ACOX3: variants seen among roughly 807,000 people sequenced by gnomAD.
ACOX3 encodes peroxisomal acyl-coenzyme A oxidase 3.
ACOX3 carries 73 observed loss-of-function variants against 81.5 expected under a neutral mutation model. That is an observed-to-expected ratio of 0.90 (90% CI 0.74 to 1.09). ACOX3 has a LOEUF of 1.09. ACOX3 is among the 50% of genes least tolerant of loss of function. ACOX3 has a pLI of 0.00. For synonymous variants in ACOX3, 387 were observed against 375.1 expected, an observed-to-expected ratio of 1.03 and a Z score of -0.37; for missense variants, 947 against 928.0, an observed-to-expected ratio of 1.02 and a Z score of -0.27.
Position 8,390,950 on chromosome 4 carries a change from A to G in ACOX3, c.1301-1216T>C, listed in dbSNP as rs182728650. 6.6e-5 allele frequency among the ~76,000 whole-genome samples: 10 copies of G among 152,148 alleles called. No individual in the cohort carries two copies. The East Asian group carries it at 1.7e-3, about 26-fold the overall frequency. ...GCCTCAGCAGAAACATTTGCAATTG[A>G]TTTTCTAAACCTAGATGGAGCCTCG... On this transcript the variant is annotated intron_variant, in intron 11 of 17. Coordinates refer to ENST00000356406, the MANE Select transcript of ACOX3 (RefSeq NM_003501.3).
chr4:8,416,334 C>A lies in ACOX3; in HGVS notation c.144+44G>T. On this transcript the variant is annotated intron_variant, in intron 2 of 17. Transcript: ENST00000356406. This position sits in a 1 kb window ranked among gnomAD's most constrained non-coding sequence, Gnocchi z 4.2. ...TCCCATTCTGCTAACGAACTAAGAC[C>A]CCACTGGGAAAAAAGACAAGCTGCG... The A allele has an allele frequency of 6.2e-7, 1 of 1,613,468 alleles. No individual in the cohort carries two copies. Among genetic ancestry groups the A allele is most frequent in the Non-Finnish European group, 8.5e-7 (1 of 1,179,944 alleles).
At chr4:8,410,900 G>A (rs1042547524) in intron 5 of ACOX3, among the ~76,000 whole-genome samples, 2 of 152,234 alleles carry the variant, frequency 1.3e-5, no homozygotes, top group African/African-American at 4.8e-5. Flanking sequence ...AGGAAGGAAC[G>A]CATGCGTGAA....
chr4:8,414,360 T>C lies in ACOX3; in HGVS notation c.475A>G (p.Thr159Ala), dbSNP rs1400608604. Residue 159 changes from threonine to alanine, a missense_variant, in exon 5 of 18, where the codon ACC becomes GCC. Thr to Ala is a moderately conservative substitution (Grantham distance 58). Transcript: ENST00000356406. This position sits in a 1 kb window ranked among gnomAD's most constrained non-coding sequence, Gnocchi z 6.1. The stretch of plus-strand genomic sequence containing the variant: ...GTATTACTGCCGTGGCTTAATTCGG[T>C]CAGAGCAAAACATCCAAAAATCTAA... Reference protein sequence around the residue: ...RMEIFGCFALTELSHGSNTKA... With the variant: ...RMEIFGCFALAELSHGSNTKA... 2.5e-6 allele frequency: 4 copies of C among 1,614,000 alleles called. No individual in the cohort carries two copies. The highest frequency in any genetic ancestry group is 3.4e-6 in the Non-Finnish European group (4 of 1,180,008).
Position 8,406,322 on chromosome 4 carries a change from C to G in ACOX3, c.688-279G>C, listed in dbSNP as rs1051555055. Among the ~76,000 whole-genome samples the G allele has an allele frequency of 2.6e-5, 4 of 152,160 alleles. No individual in the cohort carries two copies. Among genetic ancestry groups the G allele is most frequent in the Admixed American group, 2.0e-4 (3 of 15,276 alleles). On this transcript the variant is annotated intron_variant, in intron 6 of 17. Transcript: ENST00000356406. The surrounding 1 kb of genome is among the most constrained non-coding windows in gnomAD (Gnocchi z 5.6). ...GGGCCCTAAATCCCACGGCAAGTGT[C>G]CTATGAGAATCAGAAGAGGAGTGGG...
At chr4:8,404,475 T>G (rs1720714501) in intron 7 of ACOX3, among the ~76,000 whole-genome samples, 1 of 151,958 alleles carries the variant, frequency 6.6e-6, no homozygotes, top group Non-Finnish European at 1.5e-5. Flanking sequence ...AAGAATTTGC[T>G]TTTTAACAAT....
chr4:8,365,990 G>A (rs1715402865), downstream of ACOX3, among the ~76,000 whole-genome samples: 1 of 152,160 alleles, frequency 6.6e-6, no homozygotes, highest in Non-Finnish European at 1.5e-5. Context: ...GGGGTCAGGG[G>A]GCACCAGAGT....
intron 15 of ACOX3, 96 bp from the exon 16 acceptor site, chr4:8,373,724 TAGG>T: frequency 8.6e-7 from 1 of 1,167,774 alleles, no homozygotes; most frequent in Non-Finnish European, 1.2e-6. Context: ...ATCGGCCATA[TAGG>T]AGGCCTGTTT....
In ACOX3 at chr4:8,430,582, G is replaced by A. The variant is rs1451376004; in HGVS notation, c.-15+10066C>T. On this transcript the variant is annotated intron_variant, in intron 1 of 17. Coordinates refer to ENST00000356406, the MANE Select transcript of ACOX3 (RefSeq NM_003501.3). This position sits in a 1 kb window ranked among gnomAD's most constrained non-coding sequence, Gnocchi z 5.2. Reference sequence around the variant, plus strand: ...TTAGAAAAACATCTTTCGGCTGGGTGTGGTGGCTCACACCTATAATCTTAG... The same window carrying A: ...TTAGAAAAACATCTTTCGGCTGGGTATGGTGGCTCACACCTATAATCTTAG... 6.6e-6 allele frequency among the ~76,000 whole-genome samples: 1 copy of A among 152,202 alleles called. No homozygotes were observed. The highest frequency in any genetic ancestry group is 2.4e-5 in the African/African-American group (1 of 41,444).
At chr4:8,367,633 T>C (rs1330498273) in intron 17 of ACOX3, among the ~76,000 whole-genome samples, 1 of 150,144 alleles carries the variant, frequency 6.7e-6, no homozygotes, top group Non-Finnish European at 1.5e-5. Flanking sequence ...TATAAAGTAC[T>C]ATAAAACACA....
chr4:8,395,824 G>A (rs1234788138), intron 9 of ACOX3, among the ~76,000 whole-genome samples: 3 of 151,966 alleles, frequency 2.0e-5, no homozygotes, highest in African/African-American at 7.3e-5. Context: ...CTGGTCAAAG[G>A]ATGTGGACAG....
At chr4:8,375,558 G>T (rs1716854962) in intron 14 of ACOX3, among the ~76,000 whole-genome samples, 1 of 152,192 alleles carries the variant, frequency 6.6e-6, no homozygotes, top group Non-Finnish European at 1.5e-5. Flanking sequence ...AGACACAGAG[G>T]AGCTGGAGAA....
At chr4:8,413,513 A>C (rs28768829) in intron 5 of ACOX3, among the ~76,000 whole-genome samples, 2 of 64,550 alleles carry the variant, frequency 3.1e-5, no homozygotes, top group Admixed American at 2.0e-4. Context: ...GCAACCCTCC[A>C]TGCACCCCTC....
Position 8,423,477 on chromosome 4 carries a change from C to CT in ACOX3, c.-14-6943_-14-6942insA, listed in dbSNP as rs1723162957. On this transcript the variant is annotated intron_variant, in intron 1 of 17. Coordinates refer to ENST00000356406, the MANE Select transcript of ACOX3 (RefSeq NM_003501.3). The surrounding 1 kb of genome is among the most constrained non-coding windows in gnomAD (Gnocchi z 4.2). ...ACCAAAGGCAGTACCCTCTTAGACC[C>CT]GAGGCCCAACAAGGACTCCAAAAGA... Among the ~76,000 whole-genome samples, 1 of 152,076 alleles carries CT rather than the reference C, an allele frequency of 6.6e-6. No individual in the cohort carries two copies. The highest frequency in any genetic ancestry group is 1.5e-5 in the Non-Finnish European group (1 of 68,018).
At position 8,415,951 on chromosome 4, in the gene ACOX3, G is replaced by A; in HGVS notation, c.193C>T (p.Pro65Ser). The change falls in exon 3 of 18, where the codon CCT becomes TCT. Residue 65 changes from proline (P) to serine (S), a missense_variant. Coordinates refer to ENST00000356406, the MANE Select transcript of ACOX3 (RefSeq NM_003501.3). Reference protein sequence around the residue: ...LENDPLFARSPGADLSLEKYR... With the variant: ...LENDPLFARSSGADLSLEKYR... ...TTCTCCAAGGACAGATCGGCTCCAGGGGAACGAGCGAAAAGAGGGTCATTC... is the reference window on the plus strand; with the variant it reads ...TTCTCCAAGGACAGATCGGCTCCAGAGGAACGAGCGAAAAGAGGGTCATTC... 1 of 1,614,182 alleles carries A rather than the reference G, an allele frequency of 6.2e-7. No individual in the cohort carries two copies. The highest frequency in any genetic ancestry group is 8.5e-7 in the Non-Finnish European group (1 of 1,180,032).
Position 8,386,749 on chromosome 4 carries a change from G to A in ACOX3, c.1537+2424C>T, listed in dbSNP as rs1029086420. On this transcript the variant is annotated intron_variant, in intron 13 of 17. Coordinates refer to ENST00000356406, the MANE Select transcript of ACOX3 (RefSeq NM_003501.3). This position sits in a 1 kb window ranked among gnomAD's most constrained non-coding sequence, Gnocchi z 5.2. ...AGTGATGCAGACGCTTCCTGATGAC[G>A]ATGCTGACGGTGCGGGCAGGGGAAG... is the stretch of plus-strand genomic sequence containing the variant. Among the ~76,000 whole-genome samples, 3 of 152,152 alleles carry A rather than the reference G, an allele frequency of 2.0e-5. No individual in the cohort carries two copies. Among genetic ancestry groups the A allele is most frequent in the Admixed American group, 1.3e-4 (2 of 15,274 alleles).
At position 8,381,629 on chromosome 4, in the gene ACOX3, G is replaced by C. The variant is rs775136434; in HGVS notation, c.1538-22C>G. 4 of 1,563,334 alleles carry C rather than the reference G, an allele frequency of 2.6e-6. No homozygotes were observed. Among genetic ancestry groups the C allele is most frequent in the African/African-American group, 1.4e-5 (1 of 73,704 alleles). Reference sequence around the variant, plus strand: ...GCGACTTCGGAATGACAAACAGAAGGAGAAAAAGTAACAATAGAGAACACA... The same window carrying C: ...GCGACTTCGGAATGACAAACAGAAGCAGAAAAAGTAACAATAGAGAACACA... On this transcript the variant is annotated intron_variant, in intron 13 of 17. Coordinates refer to ENST00000356406, the MANE Select transcript of ACOX3 (RefSeq NM_003501.3). This position sits in a 1 kb window ranked among gnomAD's most constrained non-coding sequence, Gnocchi z 4.3.
chr4:8,381,433 A>C lies in ACOX3; in HGVS notation c.1653+59T>G. The C allele has an allele frequency of 8.0e-6, 12 of 1,491,406 alleles. No individual in the cohort carries two copies. The highest frequency in any genetic ancestry group is 1.8e-4 in the Middle Eastern group (1 of 5,580). 92.4% of individuals were successfully genotyped at this position (1,491,406 alleles called of 1,614,324 possible). A position where few individuals can be genotyped will look rare whatever the true frequency, so the allele number is the denominator to read the frequency against. On this transcript the variant is annotated intron_variant, in intron 14 of 17. Coordinates refer to ENST00000356406, the MANE Select transcript of ACOX3 (RefSeq NM_003501.3). This position sits in a 1 kb window ranked among gnomAD's most constrained non-coding sequence, Gnocchi z 4.3. ...AGGATGTTCAAACTCCCAGGGACAC[A>C]ACGGCCAGGGAATTAAGAGCAAATA...
chr4:8,394,677 GA>G lies in ACOX3; in HGVS notation c.1121del (p.Phe374SerfsTer61), dbSNP rs766525173. On this transcript the variant is annotated frameshift_variant, in exon 10 of 18. Transcript: ENST00000356406. LOFTEE classifies it high-confidence loss of function. The surrounding 1 kb of genome is among the most constrained non-coding windows in gnomAD (Gnocchi z 5.9). ...CTCGCTGGAGCTCCACCAGGTCCAG[GA>G]AGAGCGACTTGGAGAAATGGTCTAA... The part of the protein sequence containing the change: ...YALDHFSKSL[F>X]LDLVELQRGL... 6.2e-7 allele frequency: 1 copy of G among 1,613,892 alleles called. No homozygotes were observed. Among genetic ancestry groups the G allele is most frequent in the East Asian group, 2.2e-5 (1 of 44,882 alleles).
At chr4:8,424,375 T>C (rs768764481) in intron 1 of ACOX3, among the ~76,000 whole-genome samples, 26 of 152,222 alleles carry the variant, frequency 1.7e-4, no homozygotes, top group Admixed American at 2.0e-4. Context: ...CTTTTCTTTA[T>C]GTGTCACAGA....
Sources: gnomAD v4.1 joint callset for allele counts (sites outside exome capture counted in the v4.1 genomes callset) on GRCh38, gnomAD v4.1.1 for gene constraint, Gnocchi (gnomAD v3.1) non-coding constraint, MANE v1.5 for transcripts, NCBI Gene and HGNC (gene_info 2026-07-23, HGNC 2026-07-21) for gene names.